The following ZMIZ1 variants were observed in gnomAD, a reference collection of about 807,000 sequenced individuals.
ZMIZ1 encodes the protein zinc finger MIZ domain-containing protein 1.
ZMIZ1 carries 17 observed loss-of-function variants against 113.9 expected under a neutral mutation model. The observed-to-expected ratio is 0.15, with a 90% CI of 0.10 to 0.22. ZMIZ1 has a LOEUF of 0.22. Ranked by LOEUF, ZMIZ1 falls within the 10% of genes least tolerant of loss-of-function variation. ZMIZ1 has a pLI of 1.00. For missense variants in ZMIZ1, 1,059 were observed against 1,477.8 expected (o/e 0.72, Z 4.65); for synonymous variants, 607 against 603.1 (o/e 1.01, Z -0.09).
chr10:79,157,811 C>G (rs1418688821), intron 3 of ZMIZ1, among the ~76,000 whole-genome samples: 1 of 152,158 alleles, frequency 6.6e-6, no homozygotes, highest in Non-Finnish European at 1.5e-5. Flanking sequence ...CACTGGCCCG[C>G]CAGGGGAGGA....
At chr10:79,224,193 C>T (rs1467223942) in intron 7 of ZMIZ1, among the ~76,000 whole-genome samples, 1 of 152,222 alleles carries the variant, frequency 6.6e-6, no homozygotes, top group Admixed American at 6.5e-5. Flanking sequence ...TATTTAGGCA[C>T]AGACACCAGA....
chr10:79,271,055 C>T (rs532380725), intron 7 of ZMIZ1, among the ~76,000 whole-genome samples: 3 of 152,180 alleles, frequency 2.0e-5, no homozygotes, highest in East Asian at 1.9e-4. Context: ...GCAGGACACT[C>T]GATGTCCTCA....
At chr10:79,135,461 A>G (rs1030923268) in intron 2 of ZMIZ1, among the ~76,000 whole-genome samples, 1 of 152,176 alleles carries the variant, frequency 6.6e-6, no homozygotes, top group Non-Finnish European at 1.5e-5. Context: ...ACATTACCCC[A>G]TTTCCCACCA....
chr10:79,110,093 TC>T (rs1228834893), intron 1 of ZMIZ1, among the ~76,000 whole-genome samples: 3 of 152,224 alleles, frequency 2.0e-5, no homozygotes, highest in Non-Finnish European at 4.4e-5. Flanking sequence ...GATGCCTGCA[TC>T]CAAACCCCCA....
intron 3 of ZMIZ1, among the ~76,000 whole-genome samples, chr10:79,146,624 T>G (rs936709612): frequency 6.6e-6 from 1 of 152,236 alleles, no homozygotes; most frequent in African/African-American, 2.4e-5. Context: ...GTCCCTGTAG[T>G]CAGGGAACGG....
At chr10:79,224,563 T>G (rs1338698554) in intron 7 of ZMIZ1, among the ~76,000 whole-genome samples, 1 of 152,018 alleles carries the variant, frequency 6.6e-6, no homozygotes, top group Admixed American at 6.6e-5. Context: ...TCCAGGCCTG[T>G]CCAAAATGAG....
chr10:79,288,024 G>A (rs558852481), intron 8 of ZMIZ1, among the ~76,000 whole-genome samples: 38 of 152,322 alleles, frequency 2.5e-4, no homozygotes, highest in African/African-American at 7.5e-4. Context: ...CCCCTCCAGC[G>A]ATCTCAGACA....
intron 1 of ZMIZ1, among the ~76,000 whole-genome samples, chr10:79,106,494 C>A (rs560202165): frequency 1.3e-5 from 2 of 152,212 alleles, no homozygotes; most frequent in African/African-American, 4.8e-5. Flanking sequence ...TATGCTCCCC[C>A]AAGCCTGTGG....
intron 7 of ZMIZ1, among the ~76,000 whole-genome samples, chr10:79,239,547 TGAA>T (rs1299062389): frequency 6.6e-6 from 1 of 152,190 alleles, no homozygotes; most frequent in African/African-American, 2.4e-5. Context: ...AGACCCTGCC[TGAA>T]GAAGAGCTCT....
chr10:79,077,966 C>T (rs1480908875), intron 1 of ZMIZ1, among the ~76,000 whole-genome samples: 2 of 152,202 alleles, frequency 1.3e-5, no homozygotes, highest in African/African-American at 2.4e-5. Flanking sequence ...CCAACCAAAG[C>T]GGCCTGCTGG....
Position 79,118,399 on chromosome 10 carries a change from G to A in ZMIZ1, c.-336-516G>A, listed in dbSNP as rs1183829101. On this transcript the variant is annotated intron_variant, in intron 1 of 24. Transcript: ENST00000334512. The surrounding 1 kb of genome is among the most constrained non-coding windows in gnomAD (Gnocchi z 4.1). ...AATGTCCAGGAGCTGGGCCTGGAGC[G>A]GGAGAGTGTCCTGTGGGAAGCGGGA... Among the ~76,000 whole-genome samples, 1 of 152,166 alleles carries A rather than the reference G, an allele frequency of 6.6e-6. No homozygotes were observed. Among genetic ancestry groups the A allele is most frequent in the Admixed American group, 6.5e-5 (1 of 15,282 alleles).
chr10:79,159,420 G>T (rs559171639), intron 3 of ZMIZ1, among the ~76,000 whole-genome samples: 1 of 152,300 alleles, frequency 6.6e-6, no homozygotes, highest in South Asian at 2.1e-4. Context: ...GCGCCGTCTG[G>T]CCCTGAGCAG....
At chr10:79,311,258 G>A in intron 24 of ZMIZ1, 74 bp downstream of exon 24, 2 of 1,400,270 alleles carry the variant, frequency 1.4e-6, no homozygotes, top group African/African-American at 1.4e-5. Flanking sequence ...GAAGGGGTGG[G>A]TGTGAGGGCT....
At chr10:79,269,752 C>T (rs1036711898) in intron 7 of ZMIZ1, among the ~76,000 whole-genome samples, 10 of 152,146 alleles carry the variant, frequency 6.6e-5, no homozygotes, top group African/African-American at 2.2e-4. Context: ...CTGTCCGCAC[C>T]TCCCCTTGCC....
At position 79,305,245 on chromosome 10, in the gene ZMIZ1, A is replaced by C; in HGVS notation, c.2354+14A>C. ...TCCTGTGTGCAAGTGAGTGATGCCCACCCCGGTGGGGGCTTCCCCCATCCC... is the reference window on the plus strand; with the variant it reads ...TCCTGTGTGCAAGTGAGTGATGCCCCCCCCGGTGGGGGCTTCCCCCATCCC... On this transcript the variant is annotated intron_variant, in intron 20 of 24. Transcript: ENST00000334512. 1 of 1,613,578 alleles carries C rather than the reference A, an allele frequency of 6.2e-7. No individual in the cohort carries two copies.
At chr10:79,079,411 G>A (rs1842584543) in intron 1 of ZMIZ1, among the ~76,000 whole-genome samples, 1 of 152,250 alleles carries the variant, frequency 6.6e-6, no homozygotes, top group South Asian at 2.1e-4. Context: ...CGAAACTATA[G>A]CCTTAGTCCA....
At chr10:79,105,537 C>T (rs1363990712) in intron 1 of ZMIZ1, among the ~76,000 whole-genome samples, 2 of 152,304 alleles carry the variant, frequency 1.3e-5, no homozygotes, top group East Asian at 1.9e-4. Context: ...AAAACCCCTC[C>T]GCCCCTAGTC....
rs540288989 is a variant in ZMIZ1 at position 79,161,102 on chromosome 10, C to T, written c.-130-951C>T. On this transcript the variant is annotated intron_variant, in intron 3 of 24. Transcript: ENST00000334512. ...CCGTTGAGGAGATGGGCCAGCTGAG[C>T]CCCACCCAACAAGGATGGTTGTGTG... Among the ~76,000 whole-genome samples the T allele has an allele frequency of 1.1e-3, 163 of 152,312 alleles. 1 individual carries two copies. Among genetic ancestry groups the T allele is most frequent in the Non-Finnish European group, 1.9e-3 (128 of 68,006 alleles).
At chr10:79,078,049 A>G (rs1014839236) in intron 1 of ZMIZ1, among the ~76,000 whole-genome samples, 6 of 152,146 alleles carry the variant, frequency 3.9e-5, no homozygotes, top group Non-Finnish European at 7.3e-5. Flanking sequence ...CTGGCCCATC[A>G]TCTCTGAGAG....
Sources: allele counts gnomAD v4.1 joint callset (sites outside exome capture counted in the v4.1 genomes callset), GRCh38; gene constraint gnomAD v4.1.1; non-coding constraint Gnocchi (gnomAD v3.1); transcripts MANE v1.5; gene names NCBI Gene and HGNC (gene_info 2026-07-23, HGNC 2026-07-21).